Variants in PRICKLE1 observed in about 807,000 individuals in gnomAD.
PRICKLE1 encodes the protein prickle planar cell polarity protein 1.
PRICKLE1 carries 14 observed loss-of-function variants against 70.2 expected under a neutral mutation model. That is an observed-to-expected ratio of 0.20 (90% CI 0.13 to 0.31). PRICKLE1 has a LOEUF of 0.31. Among genes scored for constraint, PRICKLE1 ranks in the 10% least tolerant of loss-of-function variants. The pLI, the probability that PRICKLE1 is intolerant of heterozygous loss-of-function variation, is 1.00. For missense variants in PRICKLE1, 821 were observed against 1,026.2 expected (o/e 0.80, Z 2.73); for synonymous variants, 357 against 379.9 (o/e 0.94, Z 0.70).
intron 1 of PRICKLE1, among the ~76,000 whole-genome samples, chr12:42,532,095 G>T (rs1020389635): frequency 2.0e-5 from 3 of 152,208 alleles, no homozygotes; most frequent in African/African-American, 7.2e-5. Context: ...AGCCTGGGAG[G>T]TTGAGGCTGC....
chr12:42,500,920 CA>C (rs1346801426), intron 1 of PRICKLE1, among the ~76,000 whole-genome samples: 1 of 152,128 alleles, frequency 6.6e-6, no homozygotes, highest in Non-Finnish European at 1.5e-5. Flanking sequence ...CAGCTGAGTA[CA>C]TTGTTACTTT....
At chr12:42,585,476 C>T (rs1377271147) in intron 1 of PRICKLE1, among the ~76,000 whole-genome samples, 1 of 152,086 alleles carries the variant, frequency 6.6e-6, no homozygotes. Context: ...GATCACCCTC[C>T]CCACCCCCCA....
At chr12:42,581,713 C>T (rs982131607) in intron 1 of PRICKLE1, among the ~76,000 whole-genome samples, 2 of 150,978 alleles carry the variant, frequency 1.3e-5, no homozygotes, top group Non-Finnish European at 2.9e-5. Flanking sequence ...TGCCACTGCA[C>T]TCCAGCCTGG....
At chr12:42,584,195 T>C (rs1324833633) in intron 1 of PRICKLE1, among the ~76,000 whole-genome samples, 1 of 152,172 alleles carries the variant, frequency 6.6e-6, no homozygotes, top group Non-Finnish European at 1.5e-5. Flanking sequence ...CTCTACCTTT[T>C]TAATGTTCTT....
At chr12:42,529,730 A>T (rs1463250984) in intron 1 of PRICKLE1, among the ~76,000 whole-genome samples, 3 of 152,152 alleles carry the variant, frequency 2.0e-5, no homozygotes, top group Non-Finnish European at 2.9e-5. Flanking sequence ...CGCCATCTCT[A>T]CTAAAAATAC....
chr12:42,515,761 T>C (rs1343161953), intron 1 of PRICKLE1, among the ~76,000 whole-genome samples: 1 of 152,208 alleles, frequency 6.6e-6, no homozygotes, highest in African/African-American at 2.4e-5. Flanking sequence ...ATGATTTTCA[T>C]CCTTCACATG....
intron 1 of PRICKLE1, among the ~76,000 whole-genome samples, chr12:42,540,052 T>C (rs1478899296): frequency 6.6e-6 from 1 of 152,218 alleles, no homozygotes; most frequent in African/African-American, 2.4e-5. Context: ...GATTATATTG[T>C]GTGTACATCA....
rs555037472 is a variant in PRICKLE1 at position 42,529,710 on chromosome 12, C to T, written c.-48-57146G>A. On this transcript the variant is annotated intron_variant, in intron 1 of 7. Transcript: ENST00000345127. ...AGGAGTTTGAGACCAGCCTGGCCAA[C>T]GTGGTAAAACGCCATCTCTACTAAA... 6.6e-5 allele frequency among the ~76,000 whole-genome samples: 10 copies of T among 152,132 alleles called. No individual in the cohort carries two copies. In the East Asian group the frequency reaches 9.8e-4, roughly 15 times the overall value.
chr12:42,582,433 G>GA (rs1302529374), intron 1 of PRICKLE1, among the ~76,000 whole-genome samples: 1 of 152,160 alleles, frequency 6.6e-6, no homozygotes, highest in Non-Finnish European at 1.5e-5. Context: ...TCTCTTACAA[G>GA]AAACATCTGT....
intron 5 of PRICKLE1, among the ~76,000 whole-genome samples, chr12:42,468,341 C>A (rs1260783084): frequency 2.0e-5 from 3 of 152,188 alleles, no homozygotes; most frequent in African/African-American, 7.2e-5. Flanking sequence ...TCTCACAACC[C>A]ACTGAAGACA....
intron 1 of PRICKLE1, among the ~76,000 whole-genome samples, chr12:42,588,128 A>C (rs1282491133): frequency 6.6e-6 from 1 of 152,172 alleles, no homozygotes; most frequent in Non-Finnish European, 1.5e-5. Context: ...TTGTCACCTA[A>C]GTGACAGGCA....
chr12:42,502,859 T>C (rs1264214856), intron 1 of PRICKLE1, among the ~76,000 whole-genome samples: 1 of 152,204 alleles, frequency 6.6e-6, no homozygotes, highest in Non-Finnish European at 1.5e-5. Flanking sequence ...AAACCACATG[T>C]TGCTTTGCTT....
intron 1 of PRICKLE1, among the ~76,000 whole-genome samples, chr12:42,493,517 A>G (rs1939140596): frequency 6.6e-6 from 1 of 152,236 alleles, no homozygotes; most frequent in Non-Finnish European, 1.5e-5. Flanking sequence ...GAATTTCTAA[A>G]TCATATGATC....
chr12:42,573,318 C>T (rs975052248), intron 1 of PRICKLE1, among the ~76,000 whole-genome samples: 2 of 152,108 alleles, frequency 1.3e-5, no homozygotes, highest in African/African-American at 4.8e-5. Context: ...AAGGAGAAGT[C>T]CACATGAGAC....
intron 1 of PRICKLE1, among the ~76,000 whole-genome samples, chr12:42,547,056 C>T (rs1940228041): frequency 6.6e-6 from 1 of 152,328 alleles, no homozygotes; most frequent in African/African-American, 2.4e-5. Context: ...AGTATTCATG[C>T]ATTCTCACTA....
intron 1 of PRICKLE1, among the ~76,000 whole-genome samples, chr12:42,574,839 A>T (rs921862267): frequency 6.6e-6 from 1 of 152,000 alleles, no homozygotes; most frequent in Non-Finnish European, 1.5e-5. Context: ...AAAACATAAC[A>T]ATCAGGAAAT....
At chr12:42,480,333 C>T (rs1036236494) in intron 1 of PRICKLE1, among the ~76,000 whole-genome samples, 1 of 152,164 alleles carries the variant, frequency 6.6e-6, no homozygotes, top group Non-Finnish European at 1.5e-5. Context: ...TATGCCTATA[C>T]TCTCAGCTAC....
chr12:42,467,608 T>C (rs1345280496), intron 5 of PRICKLE1, among the ~76,000 whole-genome samples: 1 of 150,738 alleles, frequency 6.6e-6, no homozygotes, highest in East Asian at 1.9e-4. Context: ...TAGCTGGGCG[T>C]GGTGGTGGGC....
At chr12:42,521,700 CA>C (rs1234490672) in intron 1 of PRICKLE1, among the ~76,000 whole-genome samples, 241 of 136,514 alleles carry the variant, frequency 1.8e-3, no homozygotes, top group African/African-American at 3.0e-3. Context: ...GACCTTGTCT[CA>C]AAAAAAAAAA....
Sources: allele counts gnomAD v4.1 joint callset (sites outside exome capture counted in the v4.1 genomes callset), GRCh38; gene constraint gnomAD v4.1.1; transcripts MANE v1.5; gene names NCBI Gene and HGNC (gene_info 2026-07-23, HGNC 2026-07-21).